NID2: variants seen among roughly 807,000 people sequenced by gnomAD.
NID2 encodes nidogen-2.
In NID2, 83 loss-of-function variants were observed where a neutral mutation model predicts 145.4. The ratio of observed to expected loss-of-function variants is 0.57; its 90% confidence interval spans 0.48 to 0.69. The LOEUF is 0.69. NID2 is among the 30% of genes least tolerant of loss of function. The pLI, the probability that NID2 is intolerant of heterozygous loss-of-function variation, is 0.00. For synonymous variants in NID2, 739 were observed against 701.3 expected (o/e 1.05, Z -0.85); for missense variants, 1,807 against 1,765.7 (o/e 1.02, Z -0.42).
chr14:52,053,633 T>G lies in NID2; in HGVS notation c.1375A>C (p.Ser459Arg), dbSNP rs771879037. ...AGTCCCACCTCATACGTCCCTCGAC[T>G]TAAGGGTGTAGTGTGACCTGAAGCA... is the stretch of plus-strand genomic sequence containing the variant. Reference protein sequence around the residue: ...YPASGHTTPLSRGTYEVGLED... With the variant: ...YPASGHTTPLRRGTYEVGLED... The change falls in exon 5 of 22, where the codon AGT becomes CGT. Residue 459 changes from serine to arginine, a missense_variant. Coordinates refer to ENST00000216286, the MANE Select transcript of NID2 (RefSeq NM_007361.4). The G allele has an allele frequency of 1.9e-6, 3 of 1,614,238 alleles. 1 individual carries two copies. In the South Asian group the frequency reaches 3.3e-5, roughly 18 times the overall value.
In NID2 at chr14:52,053,836, GTC is replaced by G; in HGVS notation, c.1170_1171del (p.Glu390AspfsTer51). 1 of 1,614,100 alleles carries G rather than the reference GTC, an allele frequency of 6.2e-7. No individual in the cohort carries two copies. The highest frequency in any genetic ancestry group is 8.5e-7 in the Non-Finnish European group (1 of 1,180,020). Reference sequence around the variant, plus strand: ...TACCTCTGGTGGAGCTGGGCTTCTGGTCTCTCTCTCATCCCAGGGCTCAACTT... The same window carrying G: ...TACCTCTGGTGGAGCTGGGCTTCTGGTCTCTCTCATCCCAGGGCTCAACTT... On this transcript the variant is annotated frameshift_variant, in exon 5 of 22. Transcript: ENST00000216286. LOFTEE classifies it high-confidence loss of function.
chr14:52,052,620 T>C (rs1327475464), intron 5 of NID2, among the ~76,000 whole-genome samples: 32 of 152,112 alleles, frequency 2.1e-4, no homozygotes, highest in Admixed American at 2.1e-3. Flanking sequence ...CTCCATGCAA[T>C]AGCCTGCAGA....
rs751517486 is a variant in NID2, at chr14:52,053,828, G to A, written c.1180C>T (p.Pro394Ser). 1.2e-6 allele frequency: 2 copies of A among 1,614,124 alleles called. No homozygotes were observed. Among genetic ancestry groups the A allele is most frequent in the Non-Finnish European group, 1.7e-6 (2 of 1,180,006 alleles). Reference protein sequence around the residue: ...EPWDERETRSPAPPEVDRDSL... With the variant: ...EPWDERETRSSAPPEVDRDSL... The stretch of plus-strand genomic sequence containing the variant: ...TCTCTGTCTACCTCTGGTGGAGCTG[G>A]GCTTCTGGTCTCTCTCTCATCCCAG... Residue 394 changes from proline (P) to serine (S), a missense_variant, in exon 5 of 22, where the codon CCA becomes TCA. Transcript: ENST00000216286.
intron 2 of NID2, among the ~76,000 whole-genome samples, chr14:52,064,865 A>G (rs979590017): frequency 1.3e-5 from 2 of 152,166 alleles, no homozygotes; most frequent in African/African-American, 2.4e-5. Context: ...CATTCCCCAC[A>G]TTACAGAGAT....
chr14:52,019,653 G>A (rs1891331799), intron 13 of NID2, among the ~76,000 whole-genome samples: 1 of 152,022 alleles, frequency 6.6e-6, no homozygotes, highest in South Asian at 2.1e-4. Context: ...CAAGCCAACG[G>A]CACTCACCAC....
At chr14:52,028,661 T>G in intron 11 of NID2, 61 bp downstream of exon 11, 1 of 1,573,330 alleles carries the variant, frequency 6.4e-7, no homozygotes, top group Non-Finnish European at 8.6e-7. Context: ...CACTGACAGA[T>G]TAAAGAGCAA....
intron 2 of NID2, among the ~76,000 whole-genome samples, chr14:52,061,578 A>G (rs578197711): frequency 2.1e-4 from 32 of 152,250 alleles, no homozygotes; most frequent in African/African-American, 7.2e-4. Context: ...CCAGGATCTC[A>G]GGGTGGAGGT....
chr14:52,060,439 T>C (rs1010863630), intron 2 of NID2, 83 bp from the exon 3 acceptor site: 2 of 756,696 alleles, frequency 2.6e-6, no homozygotes, highest in Admixed American at 3.3e-5. Flanking sequence ...AGAAACAGAA[T>C]GCAAGCAAAG....
chr14:52,020,745 T>G (rs545895775), intron 12 of NID2, among the ~76,000 whole-genome samples: 1 of 152,220 alleles, frequency 6.6e-6, no homozygotes, highest in African/African-American at 2.4e-5. Flanking sequence ...GTATTTTCTT[T>G]ACTTTCCACT....
chr14:52,037,042 AC>A (rs1892097949), intron 9 of NID2, among the ~76,000 whole-genome samples: 1 of 152,152 alleles, frequency 6.6e-6, no homozygotes, highest in Non-Finnish European at 1.5e-5. Context: ...TACCTAAGAA[AC>A]CATTAGCAAA....
chr14:52,043,255 TG>T (rs1012950202), intron 5 of NID2, among the ~76,000 whole-genome samples: 1 of 152,162 alleles, frequency 6.6e-6, no homozygotes, highest in Admixed American at 6.5e-5. Flanking sequence ...ACTATTTTTG[TG>T]GGTCAAAAAG....
chr14:52,043,544 G>C (rs1892364724), intron 5 of NID2, among the ~76,000 whole-genome samples: 2 of 152,204 alleles, frequency 1.3e-5, no homozygotes, highest in Admixed American at 1.3e-4. Context: ...GCCCTTGGCA[G>C]GGTTTAACTA....
chr14:52,022,451 C>A (rs1348489078), intron 12 of NID2, among the ~76,000 whole-genome samples: 2 of 152,136 alleles, frequency 1.3e-5, no homozygotes, highest in African/African-American at 2.4e-5. Context: ...TGGGCATGCA[C>A]AGGACATCAG....
At chr14:52,063,392 A>G (rs183790396) in intron 2 of NID2, among the ~76,000 whole-genome samples, 1 of 152,326 alleles carries the variant, frequency 6.6e-6, no homozygotes, top group East Asian at 1.9e-4. Flanking sequence ...TCAGAAAGAG[A>G]GAAAAGCCAG....
At position 52,068,843 on chromosome 14, in the gene NID2, C is replaced by T; in HGVS notation, c.152G>A (p.Gly51Asp). 1.2e-6 allele frequency: 2 copies of T among 1,613,202 alleles called. No homozygotes were observed. The highest frequency in any genetic ancestry group is 1.7e-6 in the Non-Finnish European group (2 of 1,180,018). Residue 51 changes from glycine (G) to aspartate (D), a missense_variant, in exon 1 of 22, where the codon GGC becomes GAC. Coordinates refer to ENST00000216286, the MANE Select transcript of NID2 (RefSeq NM_007361.4). ...ESWGDQLLQE[G>D]DDESSAVVKL... The stretch of plus-strand genomic sequence containing the variant: ...CACCACGGCTGAGCTTTCGTCGTCG[C>T]CTTCCTGCAGGAGCTGGTCCCCCCA...
intron 12 of NID2, among the ~76,000 whole-genome samples, chr14:52,026,402 A>G (rs1891587601): frequency 6.6e-6 from 1 of 152,150 alleles, no homozygotes; most frequent in African/African-American, 2.4e-5. Flanking sequence ...TTCCCATTCT[A>G]AACACGTTTC....
intron 5 of NID2, among the ~76,000 whole-genome samples, chr14:52,044,774 T>C (rs1052602347): frequency 6.6e-6 from 1 of 151,838 alleles, no homozygotes; most frequent in Non-Finnish European, 1.5e-5. Flanking sequence ...CACACCTGCC[T>C]ACTTTATTTT....
chr14:52,063,176 G>T (rs766337101), intron 2 of NID2, among the ~76,000 whole-genome samples: 1 of 152,314 alleles, frequency 6.6e-6, no homozygotes, highest in South Asian at 2.1e-4. Context: ...TTCCAAACAG[G>T]AAAGGTCCTC....
intron 18 of NID2, chr14:52,009,814 C>T (rs1890936862): frequency 6.6e-6 from 1 of 152,296 alleles, no homozygotes; most frequent in Admixed American, 6.5e-5. Context: ...TGGCGAAACC[C>T]TGTCTCGACT....
Sources: gnomAD v4.1 joint callset for allele counts (sites outside exome capture counted in the v4.1 genomes callset) on GRCh38, gnomAD v4.1.1 for gene constraint, MANE v1.5 for transcripts, NCBI Gene and HGNC (gene_info 2026-07-23, HGNC 2026-07-21) for gene names.